The following MAP2K1 variants were observed in gnomAD, a reference collection of about 807,000 sequenced individuals.
MAP2K1 encodes the protein dual specificity mitogen-activated protein kinase kinase 1.
A neutral mutation model predicts 46.3 loss-of-function variants in MAP2K1; 16 were observed. The ratio of observed to expected loss-of-function variants is 0.35; its 90% CI spans 0.23 to 0.52. MAP2K1 has a LOEUF of 0.52. MAP2K1 is among the 20% of genes least tolerant of loss of function. MAP2K1 has a pLI of 0.94. For synonymous variants in MAP2K1, 183 were observed against 185.6 expected, an observed-to-expected ratio of 0.99 and a Z score of 0.11; for missense variants, 263 against 497.1, an observed-to-expected ratio of 0.53 and a Z score of 4.48.
intron 6 of MAP2K1, among the ~76,000 whole-genome samples, chr15:66,483,680 T>C (rs1036074808): frequency 2.0e-5 from 3 of 152,174 alleles, no homozygotes; most frequent in Admixed American, 2.0e-4. Flanking sequence ...ACTTTTTTTC[T>C]CTTTGGCTTT....
chr15:66,393,241 A>C (rs1227537123), intron 1 of MAP2K1, among the ~76,000 whole-genome samples: 1 of 150,396 alleles, frequency 6.6e-6, no homozygotes, highest in Non-Finnish European at 1.5e-5. Flanking sequence ...GCAGTGTTGC[A>C]ATCCTGGCTC....
At chr15:66,449,269 C>T (rs902430714) in intron 5 of MAP2K1, among the ~76,000 whole-genome samples, 8 of 152,054 alleles carry the variant, frequency 5.3e-5, no homozygotes, top group Non-Finnish European at 1.0e-4. Flanking sequence ...TTAGTGTATT[C>T]AAACAATGGA....
At chr15:66,457,380 A>G (rs1019225581) in intron 5 of MAP2K1, among the ~76,000 whole-genome samples, 1 of 152,180 alleles carries the variant, frequency 6.6e-6, no homozygotes, top group Non-Finnish European at 1.5e-5. Context: ...TTGGCTTCCC[A>G]AAGTGCTGGG....
intron 5 of MAP2K1, among the ~76,000 whole-genome samples, chr15:66,453,004 G>A (rs1892076768): frequency 6.6e-6 from 1 of 152,202 alleles, no homozygotes; most frequent in Admixed American, 6.5e-5. Flanking sequence ...ATGGATGGAT[G>A]GATGATTAAC....
intron 1 of MAP2K1, among the ~76,000 whole-genome samples, chr15:66,401,073 A>G (rs376144860): frequency 6.6e-6 from 1 of 152,228 alleles, no homozygotes; most frequent in African/African-American, 2.4e-5. Context: ...TTACACATGG[A>G]CATAATCCTC....
intron 1 of MAP2K1, among the ~76,000 whole-genome samples, chr15:66,394,489 G>A (rs2093363261): frequency 7.7e-6 from 1 of 129,562 alleles, no homozygotes; most frequent in Admixed American, 7.7e-5. Context: ...TTGAGAGACA[G>A]GGTCTTGCTC....
Position 66,420,168 on chromosome 15 carries a change from G to T in MAP2K1, c.81-14859G>T, listed in dbSNP as rs939927868. On this transcript the variant is annotated intron_variant, in intron 1 of 10. Coordinates refer to ENST00000307102, the MANE Select transcript of MAP2K1 (RefSeq NM_002755.4). ...CTGAGGAATGAGAATCACTTGAACC[G>T]GGGAGGCGGAGGTTGTGGTGAACCG... Among the ~76,000 whole-genome samples the T allele has an allele frequency of 2.6e-5, 4 of 151,722 alleles. No homozygotes were observed. In the East Asian group the frequency reaches 7.8e-4, roughly 30 times the overall value.
At chr15:66,435,728 A>G (rs139926781) in intron 2 of MAP2K1, among the ~76,000 whole-genome samples, 113 of 152,330 alleles carry the variant, frequency 7.4e-4, no homozygotes, top group African/African-American at 2.2e-3. Flanking sequence ...CTGGAAAATA[A>G]TAAGTGACTC....
At chr15:66,389,582 T>G (rs1476661527) in intron 1 of MAP2K1, among the ~76,000 whole-genome samples, 2 of 144,914 alleles carry the variant, frequency 1.4e-5, no homozygotes, top group African/African-American at 2.6e-5. Flanking sequence ...GTTTTTTTTT[T>G]TTTTTTTTTT....
At chr15:66,438,484 C>T (rs1359874988) in intron 3 of MAP2K1, among the ~76,000 whole-genome samples, 2 of 152,154 alleles carry the variant, frequency 1.3e-5, no homozygotes, top group East Asian at 3.8e-4. Flanking sequence ...CATCCTTATT[C>T]TGGAATTCTT....
chr15:66,427,618 A>G (rs1262050121), intron 1 of MAP2K1, among the ~76,000 whole-genome samples: 1 of 152,172 alleles, frequency 6.6e-6, no homozygotes. Flanking sequence ...ACTGTGAGCT[A>G]GATGAGTGTG....
chr15:66,458,286 T>C (rs903534988), intron 5 of MAP2K1, among the ~76,000 whole-genome samples: 2 of 152,190 alleles, frequency 1.3e-5, no homozygotes, highest in African/African-American at 4.8e-5. Flanking sequence ...AAGGCCTTAT[T>C]TTGACTAAGA....
intron 1 of MAP2K1, among the ~76,000 whole-genome samples, chr15:66,413,911 C>CTTTTTTTTT (rs10649963): frequency 9.0e-6 from 1 of 111,532 alleles, no homozygotes; most frequent in Admixed American, 9.5e-5. Context: ...TCTTCTTCTT[C>CTTTTTTTTT]TTTTTTTTTT....
chr15:66,438,035 T>A lies in MAP2K1; in HGVS notation c.438+1143T>A, dbSNP rs57840939. On this transcript the variant is annotated intron_variant, in intron 3 of 10. Coordinates refer to ENST00000307102, the MANE Select transcript of MAP2K1 (RefSeq NM_002755.4). ...TCTTGTGTTCTTTTTTTTTTTTTTT[T>A]AATTTATTTTTATTTTTTAGGGTGA... Among the ~76,000 whole-genome samples, 428 of 147,724 alleles carry A rather than the reference T, an allele frequency of 2.9e-3. 2 individuals are homozygous for A. Among genetic ancestry groups the A allele is most frequent in the African/African-American group, 0.01 (406 of 40,476 alleles).
At chr15:66,472,075 C>CAAAA (rs56820379) in intron 5 of MAP2K1, among the ~76,000 whole-genome samples, 1,879 of 91,414 alleles carry the variant, frequency 0.021, 99 homozygotes, top group African/African-American at 0.064. Context: ...GACTCCATCT[C>CAAAA]AAAAAAAAAA....
chr15:66,394,409 T>G (rs922988267), intron 1 of MAP2K1, among the ~76,000 whole-genome samples: 7 of 152,118 alleles, frequency 4.6e-5, no homozygotes, highest in Admixed American at 2.0e-4. Context: ...GTGCTTTTTT[T>G]TGTCTCTTAT....
Position 66,485,045 on chromosome 15 carries a change from G to T in MAP2K1, c.749G>T (p.Gly250Val), listed in dbSNP as rs2140674208. The T allele has an allele frequency of 6.2e-7, 1 of 1,613,886 alleles. No individual in the cohort carries two copies. The highest frequency in any genetic ancestry group is 8.5e-7 in the Non-Finnish European group (1 of 1,180,036). ...GTGCAGTCAGACATCTGGAGCATGGGACTGTCTCTGGTAGAGATGGCGGTT... is the reference window on the plus strand; with the variant it reads ...GTGCAGTCAGACATCTGGAGCATGGTACTGTCTCTGGTAGAGATGGCGGTT... ...YSVQSDIWSM[G>V]LSLVEMAVGR... The change falls in exon 7 of 11, where the codon GGA (glycine) becomes GTA (valine). Residue 250 changes from glycine to valine, a missense_variant. Physicochemically the swap from Gly to Val is moderately radical, Grantham distance 109. Transcript: ENST00000307102.
chr15:66,489,026 G>T lies in MAP2K1; in HGVS notation c.961-189G>T, dbSNP rs910106799. 3.9e-5 allele frequency: 25 copies of T among 637,558 alleles called. No homozygotes were observed. The East Asian group carries it at 6.5e-4, about 17-fold the overall frequency. The allele number at this position is 637,558 out of a possible 1,614,324, so 39.5% of individuals were successfully genotyped here. A position where few individuals can be genotyped will look rare whatever the true frequency, so the allele number is the denominator to read the frequency against. ...ATTTGAGATCAGTGGTTCCAACATG[G>T]TTACCCAACAGGCAGCACTGGCCTT... On this transcript the variant is annotated intron_variant, in intron 8 of 10. Coordinates refer to ENST00000307102, the MANE Select transcript of MAP2K1 (RefSeq NM_002755.4).
intron 5 of MAP2K1, among the ~76,000 whole-genome samples, chr15:66,448,005 T>C (rs1332570124): frequency 1.3e-5 from 2 of 151,628 alleles, no homozygotes; most frequent in Non-Finnish European, 2.9e-5. Flanking sequence ...ATACAAAAAT[T>C]AGCCAGGCGT....
Sources: allele counts gnomAD v4.1 joint callset (sites outside exome capture counted in the v4.1 genomes callset), GRCh38; gene constraint gnomAD v4.1.1; transcripts MANE v1.5; gene names NCBI Gene and HGNC (gene_info 2026-07-23, HGNC 2026-07-21).